CTNNA2: variants seen among roughly 807,000 people sequenced by gnomAD.
CTNNA2 encodes catenin alpha-2.
Under a neutral mutation model 101.0 loss-of-function variants are expected in CTNNA2, and 42 were observed. The ratio of observed to expected loss-of-function variants is 0.42; its 90% confidence interval spans 0.32 to 0.54. The LOEUF (loss-of-function observed/expected upper bound fraction) is 0.54, where lower values mean the gene tolerates loss of function less well. CTNNA2 is among the 20% of genes least tolerant of loss of function. The pLI, the probability that CTNNA2 is intolerant of heterozygous loss-of-function variation, is 0.14. For missense variants in CTNNA2, 871 were observed against 1,223.1 expected (o/e 0.71, Z 4.29); for synonymous variants, 450 against 456.4 (o/e 0.99, Z 0.18).
chr2:79,794,471 G>A (rs891394779), intron 3 of CTNNA2, among the ~76,000 whole-genome samples: 7 of 152,106 alleles, frequency 4.6e-5, no homozygotes, highest in Admixed American at 1.3e-4. Flanking sequence ...TCTGGGATAA[G>A]TAAACATCTG....
rs533158233 is a variant in CTNNA2, at chr2:79,436,105, C to A, written c.-135+62092C>A. On this transcript the variant is annotated intron_variant, in intron 4 of 21. Coordinates refer to the CTNNA2 transcript ENST00000466387. ...CTACATTTTTAACAAGCACCACAGGCTTTTCTGATGCAGTTAGCGTAATCT... is the reference window on the plus strand; with the variant it reads ...CTACATTTTTAACAAGCACCACAGGATTTTCTGATGCAGTTAGCGTAATCT... 5.8e-4 allele frequency among the ~76,000 whole-genome samples: 88 copies of A among 152,262 alleles called. 1 individual carries two copies. Among genetic ancestry groups the A allele is most frequent in the African/African-American group, 2.1e-3 (87 of 41,554 alleles).
intron 6 of CTNNA2, among the ~76,000 whole-genome samples, chr2:79,892,667 A>G (rs1010016995): frequency 2.0e-5 from 3 of 152,228 alleles, no homozygotes; most frequent in African/African-American, 7.2e-5. Context: ...ACAGACAGAG[A>G]TCTGCATAAT....
chr2:79,561,252 A>G (rs982033692), intron 1 of CTNNA2, among the ~76,000 whole-genome samples: 2 of 151,890 alleles, frequency 1.3e-5, no homozygotes, highest in Non-Finnish European at 2.9e-5. Context: ...GCATTTATAA[A>G]TATTTCATTT....
At chr2:79,723,847 ATTCCTAAGGGAAT>A (rs1418549241) in intron 2 of CTNNA2, among the ~76,000 whole-genome samples, 1 of 152,116 alleles carries the variant, frequency 6.6e-6, no homozygotes, top group East Asian at 1.9e-4. Flanking sequence ...CTCTATACTA[ATTCCTAAGGGAAT>A]GAGGCCTGAA....
chr2:79,295,720 A>G (rs1391443436), intron 2 of CTNNA2, among the ~76,000 whole-genome samples: 1 of 152,110 alleles, frequency 6.6e-6, no homozygotes, highest in Non-Finnish European at 1.5e-5. Flanking sequence ...GAGAATATCA[A>G]GAGGAAACTA....
chr2:79,467,850 G>T (rs1273382617), intron 4 of CTNNA2, among the ~76,000 whole-genome samples: 2 of 152,152 alleles, frequency 1.3e-5, no homozygotes, highest in Non-Finnish European at 2.9e-5. Context: ...TCACTACCAG[G>T]CTTGCCCTAC....
At chr2:80,621,405 T>C (rs1410629324) in intron 18 of CTNNA2, among the ~76,000 whole-genome samples, 1 of 151,962 alleles carries the variant, frequency 6.6e-6, no homozygotes, top group African/African-American at 2.4e-5. Context: ...TGCTATTTGG[T>C]TAATAATAGA....
chr2:80,099,719 A>G (rs1208981163), intron 7 of CTNNA2, among the ~76,000 whole-genome samples: 1 of 151,048 alleles, frequency 6.6e-6, no homozygotes, highest in Non-Finnish European at 1.5e-5. Flanking sequence ...TTATAGGAAC[A>G]ATTGCCAAGT....
chr2:80,279,762 T>G (rs1391779513), intron 7 of CTNNA2, among the ~76,000 whole-genome samples: 2 of 152,172 alleles, frequency 1.3e-5, no homozygotes, highest in Non-Finnish European at 2.9e-5. Context: ...GAGGCAGTGG[T>G]CAATGCATGG....
chr2:79,945,256 G>T (rs1688418852), intron 7 of CTNNA2, among the ~76,000 whole-genome samples: 1 of 152,084 alleles, frequency 6.6e-6, no homozygotes, highest in South Asian at 2.1e-4. Context: ...GCCCAGGCTG[G>T]TCTTACATTC....
intron 3 of CTNNA2, among the ~76,000 whole-genome samples, chr2:79,822,916 C>A (rs1319144789): frequency 6.6e-6 from 1 of 152,192 alleles, no homozygotes; most frequent in East Asian, 1.9e-4. Flanking sequence ...TACCACCATC[C>A]CCATTCAGAT....
chr2:79,637,692 T>G (rs2104399620), intron 1 of CTNNA2, among the ~76,000 whole-genome samples: 1 of 152,314 alleles, frequency 6.6e-6, no homozygotes, highest in African/African-American at 2.4e-5. Context: ...TATCCACATA[T>G]TTCTGTGAAG....
chr2:79,317,370 T>C (rs1436984575), intron 3 of CTNNA2, among the ~76,000 whole-genome samples: 4 of 152,108 alleles, frequency 2.6e-5, no homozygotes, highest in South Asian at 2.1e-4. Context: ...TAGTTTTATT[T>C]TCTTGTAATA....
At chr2:79,976,683 C>T (rs1690868586) in intron 7 of CTNNA2, among the ~76,000 whole-genome samples, 1 of 152,112 alleles carries the variant, frequency 6.6e-6, no homozygotes, top group Non-Finnish European at 1.5e-5. Context: ...ATTGCATAGA[C>T]AATAAAGCTT....
intron 7 of CTNNA2, among the ~76,000 whole-genome samples, chr2:79,982,063 G>T (rs1691315391): frequency 6.7e-6 from 1 of 150,190 alleles, no homozygotes. Flanking sequence ...TTTTGAGACA[G>T]GGTCTTGCTC....
chr2:79,945,180 T>G (rs2916481), intron 7 of CTNNA2, among the ~76,000 whole-genome samples: 1 of 151,936 alleles, frequency 6.6e-6, no homozygotes, highest in African/African-American at 2.4e-5. Context: ...GTAGCTGGGA[T>G]TACAGGCATG....
At chr2:79,416,084 A>G (rs1678476267) in intron 4 of CTNNA2, among the ~76,000 whole-genome samples, 1 of 151,856 alleles carries the variant, frequency 6.6e-6, no homozygotes, top group Non-Finnish European at 1.5e-5. Context: ...TGAATCAGCA[A>G]CTCTCCTAGA....
rs574161130 is a variant in CTNNA2, at chr2:80,132,004, C to G, written c.1056+222207C>G. 5.3e-5 allele frequency among the ~76,000 whole-genome samples: 8 copies of G among 152,220 alleles called. No individual in the cohort carries two copies. The South Asian group carries it at 1.0e-3, about 20-fold the overall frequency. ...GCTGAGGCAGGAGAATCACTTGAAC[C>G]TGGGAGGTGGAGGTTGCAGTGAGCC... On this transcript the variant is annotated intron_variant, in intron 7 of 18. Coordinates refer to ENST00000402739, the MANE Select transcript of CTNNA2 (RefSeq NM_001282597.3).
intron 18 of CTNNA2, among the ~76,000 whole-genome samples, chr2:80,628,339 G>A (rs1406214879): frequency 6.6e-6 from 1 of 151,940 alleles, no homozygotes; most frequent in Non-Finnish European, 1.5e-5. Context: ...CAAAGCTGGA[G>A]GCATCACGTT....
Sources: gnomAD v4.1 joint callset for allele counts (sites outside exome capture counted in the v4.1 genomes callset) on GRCh38, gnomAD v4.1.1 for gene constraint, MANE v1.5 for transcripts, NCBI Gene and HGNC (gene_info 2026-07-23, HGNC 2026-07-21) for gene names.